MYOM2: variants seen among roughly 807,000 people sequenced by gnomAD.
The protein encoded by MYOM2 is myomesin-2.
A neutral mutation model predicts 187.6 loss-of-function variants in MYOM2; 254 were observed. The observed-to-expected ratio is 1.35, with a 90% CI of 1.22 to 1.50. The LOEUF (loss-of-function observed/expected upper bound fraction) is 1.50. Among genes scored for constraint, MYOM2 ranks in the 40% most tolerant of loss-of-function variants. The pLI is 0.00. For missense variants in MYOM2, 2,796 were observed against 1,924.0 expected, an observed-to-expected ratio of 1.45 and a Z score of -8.48; for synonymous variants, 981 against 753.8, an observed-to-expected ratio of 1.30 and a Z score of -4.94.
At position 2,059,242 on chromosome 8, in the gene MYOM2, A is replaced by T; in HGVS notation, c.650A>T (p.Asn217Ile). The change falls in exon 6 of 37, where the codon AAC (asparagine) becomes ATC (isoleucine). Residue 217 changes from asparagine (N) to isoleucine (I), a missense_variant. Transcript: ENST00000262113. ...TATGGCGTACACACACTGGAGATCA[A>T]CAGGTATGGCTGTGGTGGGGGCTCT... is the stretch of plus-strand genomic sequence containing the variant. Reference protein sequence around the residue: ...SNYGVHTLEINRADFDDTATY... With the variant: ...SNYGVHTLEIIRADFDDTATY... 1 of 1,613,992 alleles carries T rather than the reference A, an allele frequency of 6.2e-7. No individual in the cohort carries two copies. Among genetic ancestry groups the T allele is most frequent in the Non-Finnish European group, 8.5e-7 (1 of 1,179,896 alleles).
At chr8:2,098,567 C>T (rs1796573770) in intron 18 of MYOM2, among the ~76,000 whole-genome samples, 1 of 152,156 alleles carries the variant, frequency 6.6e-6, no homozygotes, top group African/African-American at 2.4e-5. Flanking sequence ...GTTTCCTTAC[C>T]TGCCGCTGGG....
At position 2,057,998 on chromosome 8, in the gene MYOM2, G is replaced by GTTTTTTTTT. The variant is rs572901199; in HGVS notation, c.560+248_560+256dup. Among the ~76,000 whole-genome samples, 22 of 80,736 alleles carry GTTTTTTTTT rather than the reference G, an allele frequency of 2.7e-4. 1 individual carries two copies. Among genetic ancestry groups the GTTTTTTTTT allele is most frequent in the African/African-American group, 6.7e-4 (14 of 20,874 alleles). 53.0% of individuals were successfully genotyped at this position (80,736 alleles called of 152,430 possible). On this transcript the variant is annotated intron_variant, in intron 5 of 36. Transcript: ENST00000262113. ...ATTGAGTCAACAAATTTTTCAGAGG[G>GTTTTTTTTT]TTTTTTTTTTTTTTTTTTTTTTTTT...
intron 28 of MYOM2, 126 bp from the exon 29 acceptor site, chr8:2,123,126 G>C (rs1797513327): frequency 1.7e-6 from 1 of 573,620 alleles, no homozygotes; most frequent in Non-Finnish European, 3.0e-6. Context: ...CTTCGTCTGA[G>C]ACTGTCTATA....
intron 32 of MYOM2, among the ~76,000 whole-genome samples, chr8:2,134,992 A>G (rs1336854719): frequency 6.6e-6 from 1 of 151,820 alleles, no homozygotes; most frequent in African/African-American, 2.4e-5. Flanking sequence ...GGAGGCACAC[A>G]CTCGCTCATC....
intron 18 of MYOM2, 85 bp from the exon 19 acceptor site, chr8:2,098,772 C>T: frequency 7.3e-7 from 1 of 1,376,412 alleles, no homozygotes; most frequent in Non-Finnish European, 9.8e-7. Context: ...TTTTATTTCA[C>T]AAGCCAGTTA....
intron 10 of MYOM2, among the ~76,000 whole-genome samples, chr8:2,074,066 C>G (rs566241275): frequency 3.3e-5 from 5 of 152,158 alleles, no homozygotes; most frequent in Non-Finnish European, 7.4e-5. Context: ...GGGTCCTACA[C>G]GGATTTCGTC....
At chr8:2,046,825 C>T (rs73657716) in intron 1 of MYOM2, among the ~76,000 whole-genome samples, 2,986 of 145,720 alleles carry the variant, frequency 0.02, 101 homozygotes, top group African/African-American at 0.071. Context: ...AAAAGGAAAA[C>T]AGCTTTCTAT....
intron 25 of MYOM2, among the ~76,000 whole-genome samples, chr8:2,110,874 C>T (rs1228362380): frequency 6.6e-6 from 1 of 152,168 alleles, no homozygotes; most frequent in Non-Finnish European, 1.5e-5. Flanking sequence ...ATTTTCTTCT[C>T]CAGTCAGTCT....
intron 25 of MYOM2, 48 bp from the exon 26 acceptor site, chr8:2,115,912 G>A (rs1403812588): frequency 1.9e-6 from 3 of 1,586,058 alleles, no homozygotes; most frequent in Non-Finnish European, 2.6e-6. Context: ...GGGAAAACTA[G>A]GAGAGATTTC....
intron 23 of MYOM2, among the ~76,000 whole-genome samples, chr8:2,107,845 C>A (rs1321033275): frequency 6.6e-6 from 1 of 152,222 alleles, no homozygotes; most frequent in Admixed American, 6.5e-5. Flanking sequence ...CATTCCTCTG[C>A]ACCATTTCAA....
Position 2,143,461 on chromosome 8 carries a change from G to A in MYOM2, c.4080+5G>A. ...GTGACCATCATGGAAGGGAAGGTGA[G>A]GATTCTAAACTCGGCCGGGGTGGGG... is the stretch of plus-strand genomic sequence containing the variant. On this transcript the variant is annotated splice_donor_5th_base_variant and intron_variant, in intron 36 of 36. Transcript: ENST00000262113. 6.2e-7 allele frequency: 1 copy of A among 1,614,110 alleles called. No individual in the cohort carries two copies. The highest frequency in any genetic ancestry group is 8.5e-7 in the Non-Finnish European group (1 of 1,180,026).
rs1445654284 is a variant in MYOM2, at chr8:2,072,399, A to G, written c.848A>G (p.Lys283Arg). Residue 283 changes from lysine to arginine, a missense_variant, in exon 9 of 37, where the codon AAG (lysine) becomes AGG (arginine). By Grantham distance (26) the Lys-to-Arg change is conservative. Coordinates refer to ENST00000262113, the MANE Select transcript of MYOM2 (RefSeq NM_003970.4). Reference sequence around the variant, plus strand: ...CACTTCGACGTCCAGTTTTTGGAGAAGTTTGGGGTCACCTTCAGGAGGGAA... The same window carrying G: ...CACTTCGACGTCCAGTTTTTGGAGAGGTTTGGGGTCACCTTCAGGAGGGAA... Reference protein sequence around the residue: ...YTHFDVQFLEKFGVTFRREGE... With the variant: ...YTHFDVQFLERFGVTFRREGE... The G allele has an allele frequency of 6.2e-7, 1 of 1,614,110 alleles. No individual in the cohort carries two copies. Among genetic ancestry groups the G allele is most frequent in the Non-Finnish European group, 8.5e-7 (1 of 1,180,022 alleles).
intron 32 of MYOM2, 40 bp from the exon 33 acceptor site, chr8:2,140,683 G>T (rs1369677608): frequency 6.2e-7 from 1 of 1,603,306 alleles, no homozygotes; most frequent in African/African-American, 1.3e-5. Flanking sequence ...GTGTGACATG[G>T]AGACCCTAAC....
At chr8:2,127,184 C>T (rs546727659) in intron 31 of MYOM2, among the ~76,000 whole-genome samples, 6 of 152,122 alleles carry the variant, frequency 3.9e-5, no homozygotes, top group Admixed American at 2.0e-4. Context: ...GTTGACTTCA[C>T]CCAGTTCCCA....
chr8:2,085,272 A>T lies in MYOM2; in HGVS notation c.1526A>T (p.Gln509Leu). 1 of 1,614,024 alleles carries T rather than the reference A, an allele frequency of 6.2e-7. No homozygotes were observed. The highest frequency in any genetic ancestry group is 1.1e-5 in the South Asian group (1 of 91,072). The change falls in exon 14 of 37, where the codon CAG (glutamine) becomes CTG (leucine). Residue 509 changes from glutamine (Q) to leucine (L), a missense_variant. Transcript: ENST00000262113. ...IYQDDLEGDA[Q>L]VPGPPTGVHA... ...TTTATTATTCCTCCAGGTGACGCCC[A>T]GGTTCCAGGGCCTCCCACCGGTGTG...
At chr8:2,143,132 C>A (rs985226427) in intron 35 of MYOM2, among the ~76,000 whole-genome samples, 7 of 152,126 alleles carry the variant, frequency 4.6e-5, no homozygotes, top group African/African-American at 7.2e-5. Flanking sequence ...AATTCTTCAC[C>A]CTTCAAGCCC....
At chr8:2,079,046 G>C (rs1403430916) in intron 12 of MYOM2, 113 bp downstream of exon 12, 24 of 1,003,946 alleles carry the variant, frequency 2.4e-5, no homozygotes, top group Admixed American at 5.7e-5. Flanking sequence ...AATGCCCTGT[G>C]TGCAGAGCAT....
intron 28 of MYOM2, among the ~76,000 whole-genome samples, chr8:2,120,207 G>C: frequency 6.6e-6 from 1 of 152,226 alleles, no homozygotes; most frequent in Admixed American, 6.5e-5. Context: ...GGGTCTTGCT[G>C]GATGGAAGTT....
chr8:2,113,955 G>A (rs555615402), intron 25 of MYOM2, among the ~76,000 whole-genome samples: 6 of 152,326 alleles, frequency 3.9e-5, no homozygotes, highest in East Asian at 1.9e-4. Context: ...ATTGTCTGGC[G>A]AGACAGACAG....
Sources: gnomAD v4.1 joint callset for allele counts (sites outside exome capture counted in the v4.1 genomes callset) on GRCh38, gnomAD v4.1.1 for gene constraint, MANE v1.5 for transcripts, NCBI Gene and HGNC (gene_info 2026-07-23, HGNC 2026-07-21) for gene names.